Variants in DPP10 observed in about 807,000 individuals in gnomAD.
DPP10 encodes the protein dipeptidyl peptidase like 10.
A neutral mutation model predicts 120.9 loss-of-function variants in DPP10; 33 were observed. That is an observed-to-expected ratio of 0.27 (90% confidence interval 0.21 to 0.37). The LOEUF (loss-of-function observed/expected upper bound fraction) is 0.37, where lower values mean the gene tolerates loss of function less well. Among genes scored for constraint, DPP10 ranks in the 10% least tolerant of loss-of-function variants. DPP10 has a pLI of 1.00. For missense variants in DPP10, 816 were observed against 942.8 expected (o/e 0.87, Z 1.76); for synonymous variants, 337 against 326.1 (o/e 1.03, Z -0.36).
chr2:114,874,460 T>C (rs545551702), intron 1 of DPP10, among the ~76,000 whole-genome samples: 1 of 151,968 alleles, frequency 6.6e-6, no homozygotes, highest in Non-Finnish European at 1.5e-5. Context: ...CAAAATGAGA[T>C]TACGGAGTAG....
chr2:115,377,911 T>C (rs2065943536), intron 3 of DPP10, among the ~76,000 whole-genome samples: 2 of 152,096 alleles, frequency 1.3e-5, no homozygotes, highest in South Asian at 2.1e-4. Context: ...CATTGGTCTA[T>C]ATCTCTGTTT....
intron 19 of DPP10, among the ~76,000 whole-genome samples, chr2:115,805,428 A>AC (rs1448785839): frequency 6.6e-6 from 1 of 151,778 alleles, no homozygotes; most frequent in Non-Finnish European, 1.5e-5. Flanking sequence ...GGTGCGCTGT[A>AC]CCCACTGTCC....
chr2:115,520,428 A>T (rs549543005), intron 4 of DPP10, among the ~76,000 whole-genome samples: 141 of 152,096 alleles, frequency 9.3e-4, no homozygotes, highest in Non-Finnish European at 1.7e-3. Flanking sequence ...GAAGACTTAC[A>T]TTTTTGTCTC....
At chr2:114,763,017 G>A (rs1680412781) in intron 1 of DPP10, among the ~76,000 whole-genome samples, 1 of 152,170 alleles carries the variant, frequency 6.6e-6, no homozygotes, top group African/African-American at 2.4e-5. Context: ...TCACTCAGAT[G>A]TGGGGTGTTT....
intron 5 of DPP10, among the ~76,000 whole-genome samples, chr2:115,527,021 A>G (rs2078171477): frequency 6.6e-6 from 1 of 152,124 alleles, no homozygotes; most frequent in Admixed American, 6.6e-5. Context: ...CTTGACATTT[A>G]TAGACTAAAA....
At chr2:115,084,485 C>G (rs775202731) in intron 1 of DPP10, among the ~76,000 whole-genome samples, 2 of 152,220 alleles carry the variant, frequency 1.3e-5, no homozygotes, top group Admixed American at 6.5e-5. Flanking sequence ...TTGTCAAGTT[C>G]ACTGTTCTTT....
chr2:114,943,596 T>G (rs1003794458), intron 1 of DPP10, among the ~76,000 whole-genome samples: 2 of 152,094 alleles, frequency 1.3e-5, no homozygotes, highest in African/African-American at 4.8e-5. Flanking sequence ...CTTTATCCAG[T>G]CTATCATTGA....
chr2:115,253,402 A>G lies in DPP10; in HGVS notation c.61-55837A>G, dbSNP rs560010795. Among the ~76,000 whole-genome samples, 6 of 152,270 alleles carry G rather than the reference A, an allele frequency of 3.9e-5. No homozygotes were observed. In the South Asian group the frequency reaches 1.0e-3, roughly 26 times the overall value. ...TACAAAATACAAAAATCTTGTCCCA[A>G]TAGTCCCCCAATGTCTTATTTCATC... On this transcript the variant is annotated intron_variant, in intron 1 of 25. Transcript: ENST00000410059.
At chr2:115,494,669 A>G (rs1185800612) in intron 3 of DPP10, among the ~76,000 whole-genome samples, 3 of 152,190 alleles carry the variant, frequency 2.0e-5, no homozygotes, top group South Asian at 2.1e-4. Flanking sequence ...TGTGATAGTC[A>G]TTTCATTTTT....
At chr2:114,964,912 G>C (rs1454855403) in intron 1 of DPP10, among the ~76,000 whole-genome samples, 1 of 152,224 alleles carries the variant, frequency 6.6e-6, no homozygotes, top group Non-Finnish European at 1.5e-5. Context: ...ATGTGGAAAA[G>C]AGTGGTAGCA....
At chr2:114,892,732 T>G (rs931619710) in intron 1 of DPP10, among the ~76,000 whole-genome samples, 1 of 152,198 alleles carries the variant, frequency 6.6e-6, no homozygotes, top group South Asian at 2.1e-4. Context: ...CTATCAGCTT[T>G]CCTTCTCTTT....
chr2:114,568,563 T>A (rs1023326228), intron 1 of DPP10, among the ~76,000 whole-genome samples: 1 of 152,298 alleles, frequency 6.6e-6, no homozygotes, highest in South Asian at 2.1e-4. Flanking sequence ...CATCCCATTA[T>A]CGCCTCAATC....
chr2:114,740,584 T>A (rs1223064126), intron 1 of DPP10, among the ~76,000 whole-genome samples: 3 of 152,182 alleles, frequency 2.0e-5, no homozygotes, highest in African/African-American at 7.2e-5. Context: ...CTTGTTTCTA[T>A]CCTTCGTATG....
intron 1 of DPP10, among the ~76,000 whole-genome samples, chr2:114,446,419 T>C (rs576652144): frequency 6.6e-6 from 1 of 152,320 alleles, no homozygotes; most frequent in African/African-American, 2.4e-5. Context: ...GGGGTGGTGA[T>C]TCCTGGATCA....
chr2:115,460,304 A>G (rs1414119025), intron 3 of DPP10, among the ~76,000 whole-genome samples: 2 of 152,014 alleles, frequency 1.3e-5, no homozygotes, highest in Non-Finnish European at 2.9e-5. Flanking sequence ...TTCTCTCCCT[A>G]TTAGTTATTC....
chr2:115,173,593 A>C (rs1038601098), intron 1 of DPP10, among the ~76,000 whole-genome samples: 2 of 152,212 alleles, frequency 1.3e-5, no homozygotes, highest in African/African-American at 2.4e-5. Context: ...AGGAGAAAAT[A>C]TCTGTTCTAA....
At position 115,485,253 on chromosome 2, in the gene DPP10, A is replaced by AAAC; in HGVS notation, c.272-14255_272-14254insCAA. Among the ~76,000 whole-genome samples the AAAC allele has an allele frequency of 2.0e-5, 3 of 149,940 alleles. 1 individual carries two copies. Among genetic ancestry groups the AAAC allele is most frequent in the Admixed American group, 2.0e-4 (3 of 15,102 alleles). Reference sequence around the variant, plus strand: ...AACACTGTTCCAAAAAAAAAAAAAAAAAACAAACAAAAACCTTAAAGCCTA... The same window carrying AAAC: ...AACACTGTTCCAAAAAAAAAAAAAAAAACAAACAAACAAAAACCTTAAAGCCTA... On this transcript the variant is annotated intron_variant, in intron 3 of 25. Transcript: ENST00000410059.
At chr2:115,012,597 G>A (rs1702346190) in intron 1 of DPP10, among the ~76,000 whole-genome samples, 1 of 152,174 alleles carries the variant, frequency 6.6e-6, no homozygotes, top group African/African-American at 2.4e-5. Context: ...TATCACTATA[G>A]TTTGGCTCAC....
intron 1 of DPP10, among the ~76,000 whole-genome samples, chr2:114,812,583 G>GACACACACACAC (rs3036385): frequency 0.021 from 2,769 of 134,444 alleles, 66 homozygotes; most frequent in African/African-American, 0.052. Context: ...GTGAGACATT[G>GACACACACACAC]ACACACACAC....
Sources: allele counts gnomAD v4.1 joint callset (sites outside exome capture counted in the v4.1 genomes callset), GRCh38; gene constraint gnomAD v4.1.1; transcripts MANE v1.5; gene names NCBI Gene and HGNC (gene_info 2026-07-23, HGNC 2026-07-21).